The following SHISA9 variants were observed in gnomAD, a reference collection of about 807,000 sequenced individuals.
The protein encoded by SHISA9 is shisa family member 9, also known as protein shisa-9.
SHISA9 carries 13 observed loss-of-function variants against 38.0 expected under a neutral mutation model. The observed-to-expected ratio is 0.34, with a 90% confidence interval of 0.22 to 0.54. The LOEUF (loss-of-function observed/expected upper bound fraction) is 0.54, where lower values mean the gene tolerates loss of function less well. Among genes scored for constraint, SHISA9 ranks in the 20% least tolerant of loss-of-function variants. SHISA9 has a pLI of 0.91. For missense variants in SHISA9, 538 were observed against 575.8 expected (o/e 0.93, Z 0.67); for synonymous variants, 275 against 242.0 (o/e 1.14, Z -1.27).
chr16:13,225,913 C>T (rs140664189), intron 4 of SHISA9, among the ~76,000 whole-genome samples: 2,760 of 152,282 alleles, frequency 0.018, 48 homozygotes, highest in Middle Eastern at 0.037. Flanking sequence ...TTCCTTTCTT[C>T]TTCTTCTTTT....
chr16:12,970,490 TATATA>T (rs2072063131), intron 2 of SHISA9, among the ~76,000 whole-genome samples: 5 of 28,828 alleles, frequency 1.7e-4, no homozygotes, highest in East Asian at 7.7e-4. Context: ...TATATATATA[TATATA>T]TATTTTTTTT....
intron 2 of SHISA9, among the ~76,000 whole-genome samples, chr16:12,932,041 G>A (rs150476615): frequency 1.1e-3 from 165 of 152,252 alleles, no homozygotes; most frequent in African/African-American, 3.7e-3. Flanking sequence ...TTTTAATAAA[G>A]TGCAGTCCCC....
the SHISA9 span, among the ~76,000 whole-genome samples, chr16:13,438,579 A>G: frequency 6.6e-6 from 1 of 152,216 alleles, no homozygotes; most frequent in Non-Finnish European, 1.5e-5. Flanking sequence ...CAGAAATGTA[A>G]CTGAAAAATT....
chr16:12,923,632 A>G (rs2141731159), intron 2 of SHISA9, among the ~76,000 whole-genome samples: 1 of 152,300 alleles, frequency 6.6e-6, no homozygotes, highest in Non-Finnish European at 1.5e-5. Flanking sequence ...TCATTATTCT[A>G]TTCCATGTTT....
At chr16:13,361,914 A>T in the SHISA9 span, among the ~76,000 whole-genome samples, 3 of 152,204 alleles carry the variant, frequency 2.0e-5, no homozygotes, top group South Asian at 4.1e-4. Context: ...ATTGTTCATT[A>T]TCCTTTGTCA....
chr16:13,453,055 C>T, the SHISA9 span, among the ~76,000 whole-genome samples: 1 of 151,866 alleles, frequency 6.6e-6, no homozygotes, highest in Non-Finnish European at 1.5e-5. Flanking sequence ...ACAATACGCA[C>T]GTGCCACCAT....
At chr16:13,211,529 A>G (rs1360224672) in intron 3 of SHISA9, among the ~76,000 whole-genome samples, 1 of 152,108 alleles carries the variant, frequency 6.6e-6, no homozygotes, top group Non-Finnish European at 1.5e-5. Context: ...AAGTTCCCTC[A>G]TATCTCCTTC....
intron 1 of SHISA9, chr16:12,909,802 A>G (rs760176253): frequency 1.4e-4 from 22 of 157,120 alleles, no homozygotes; most frequent in Non-Finnish European, 2.2e-4. Flanking sequence ...CTAGTTTATT[A>G]TCTGTCTCCT....
At chr16:13,356,418 A>C in the SHISA9 span, among the ~76,000 whole-genome samples, 2 of 152,180 alleles carry the variant, frequency 1.3e-5, no homozygotes, top group Non-Finnish European at 2.9e-5. Flanking sequence ...TGGGATAAAG[A>C]AAAAGGAGCA....
chr16:13,427,632 C>T, the SHISA9 span, among the ~76,000 whole-genome samples: 1 of 151,996 alleles, frequency 6.6e-6, no homozygotes, highest in Non-Finnish European at 1.5e-5. Context: ...GAGGGAAGAA[C>T]AGAGGATAAG....
At chr16:13,041,541 C>T (rs2073132243) in intron 2 of SHISA9, among the ~76,000 whole-genome samples, 1 of 152,208 alleles carries the variant, frequency 6.6e-6, no homozygotes, top group Non-Finnish European at 1.5e-5. Flanking sequence ...TCAAGTTGGA[C>T]TTGCAAACAA....
the SHISA9 span, among the ~76,000 whole-genome samples, chr16:13,300,682 G>A: frequency 6.6e-6 from 1 of 152,132 alleles, no homozygotes; most frequent in African/African-American, 2.4e-5. Context: ...ACGTGCCTGT[G>A]TCACTGACTC....
In SHISA9 at chr16:13,239,733, A is replaced by G. The variant is rs2051419404; in HGVS notation, c.*4324A>G. The G allele has an allele frequency of 6.6e-6, 1 of 152,060 alleles. No homozygotes were observed. Among genetic ancestry groups the G allele is most frequent in the African/African-American group, 2.4e-5 (1 of 41,384 alleles). The allele number at this position is 152,060 out of a possible 1,614,324, so 9.4% of individuals were successfully genotyped here. ...GAGTTCATTGTAGATTCTGGATATTAGCCCTTTGTCAGATGAGTAGGTTGC... is the reference window on the plus strand; with the variant it reads ...GAGTTCATTGTAGATTCTGGATATTGGCCCTTTGTCAGATGAGTAGGTTGC... On this transcript the variant is annotated 3_prime_UTR_variant, in exon 5 of 5. Coordinates refer to ENST00000558583, the MANE Select transcript of SHISA9 (RefSeq NM_001145204.3).
chr16:13,483,547 T>C, the SHISA9 span, among the ~76,000 whole-genome samples: 2 of 152,160 alleles, frequency 1.3e-5, no homozygotes, highest in Admixed American at 1.3e-4. Context: ...ATAGCCTTTT[T>C]CCAGTCTTTT....
At chr16:13,373,897 T>C in the SHISA9 span, among the ~76,000 whole-genome samples, 1 of 152,198 alleles carries the variant, frequency 6.6e-6, no homozygotes, top group Non-Finnish European at 1.5e-5. Context: ...CACGTTCATA[T>C]GGTCACAGGT....
chr16:13,555,211 G>C, the SHISA9 span, among the ~76,000 whole-genome samples: 9 of 152,264 alleles, frequency 5.9e-5, no homozygotes, highest in African/African-American at 2.2e-4. Context: ...TACAGTGCTT[G>C]GTTATCATAA....
chr16:13,204,504 G>A (rs138782936), intron 3 of SHISA9, among the ~76,000 whole-genome samples: 21 of 152,264 alleles, frequency 1.4e-4, no homozygotes, highest in African/African-American at 4.6e-4. Context: ...TAGAATCTAG[G>A]TCTCTCCATC....
chr16:13,150,772 A>G (rs2050492334), intron 2 of SHISA9, among the ~76,000 whole-genome samples: 1 of 152,230 alleles, frequency 6.6e-6, no homozygotes, highest in Non-Finnish European at 1.5e-5. Context: ...ATGTGCATAT[A>G]TTAACCCTTG....
At chr16:13,400,923 T>G in the SHISA9 span, among the ~76,000 whole-genome samples, 1 of 152,188 alleles carries the variant, frequency 6.6e-6, no homozygotes. Context: ...GGGTGAACCC[T>G]GGCATTATGA....
Sources: allele counts gnomAD v4.1 joint callset (sites outside exome capture counted in the v4.1 genomes callset), GRCh38; gene constraint gnomAD v4.1.1; transcripts MANE v1.5; gene names NCBI Gene and HGNC (gene_info 2026-07-23, HGNC 2026-07-21).